Variants in SEMA3A observed in about 807,000 individuals in gnomAD.
SEMA3A encodes semaphorin 3A.
A neutral mutation model predicts 97.9 loss-of-function variants in SEMA3A; 29 were observed. The observed-to-expected ratio is 0.30, with a 90% CI of 0.22 to 0.40. The LOEUF (loss-of-function observed/expected upper bound fraction) is 0.40, where lower values mean the gene tolerates loss of function less well. SEMA3A is among the 10% of genes least tolerant of loss of function. The pLI is 1.00. For missense variants in SEMA3A, 763 were observed against 951.3 expected (o/e 0.80, Z 2.60); for synonymous variants, 321 against 323.7 (o/e 0.99, Z 0.09).
chr7:84,299,986 C>G (rs1330713691), intron 3 of SEMA3A, among the ~76,000 whole-genome samples: 3 of 133,000 alleles, frequency 2.3e-5, no homozygotes, highest in East Asian at 4.4e-4. Context: ...GAGCCGAGAT[C>G]ATGACATTGC....
intron 1 of SEMA3A, among the ~76,000 whole-genome samples, chr7:84,469,262 C>T (rs921129781): frequency 5.9e-5 from 9 of 152,158 alleles, no homozygotes; most frequent in Non-Finnish European, 1.2e-4. Flanking sequence ...CTATCCCATT[C>T]AACTGTAACC....
intron 3 of SEMA3A, among the ~76,000 whole-genome samples, chr7:84,262,355 C>T (rs1001699855): frequency 3.9e-5 from 6 of 152,254 alleles, no homozygotes; most frequent in Admixed American, 1.3e-4. Flanking sequence ...GCTGGGATTA[C>T]AGGTGCCTGC....
intron 4 of SEMA3A, among the ~76,000 whole-genome samples, chr7:84,069,885 T>A (rs972694760): frequency 6.6e-6 from 1 of 152,176 alleles, no homozygotes; most frequent in Admixed American, 6.6e-5. Context: ...GGTATTGAAT[T>A]ATCATGAACG....
rs1394117883 is a variant in SEMA3A, at chr7:84,477,072, AAAT to A, written c.-246+15385_-246+15387del. On this transcript the variant is annotated intron_variant, in intron 1 of 3. Transcript: ENST00000424555. Reference sequence around the variant, plus strand: ...ATGCCATGTGTTTGTTAAAAAAAAAAAATATATATATATATATATATTTTTCAA... The same window carrying A: ...ATGCCATGTGTTTGTTAAAAAAAAAAATATATATATATATATATTTTTCAA... 4.8e-3 allele frequency among the ~76,000 whole-genome samples: 609 copies of A among 127,110 alleles called. 7 individuals are homozygous for A. The highest frequency in any genetic ancestry group is 0.017 in the African/African-American group (561 of 33,484). The allele number at this position is 127,110 out of a possible 152,430, so 83.4% of individuals were successfully genotyped here.
intron 3 of SEMA3A, among the ~76,000 whole-genome samples, chr7:84,263,756 T>C (rs762749193): frequency 2.6e-5 from 4 of 152,216 alleles, no homozygotes; most frequent in Non-Finnish European, 4.4e-5. Flanking sequence ...ATCTGTTCTA[T>C]ATCGTTACAG....
intron 1 of SEMA3A, among the ~76,000 whole-genome samples, chr7:84,163,046 T>C (rs752854720): frequency 1.5e-3 from 232 of 152,166 alleles, no homozygotes; most frequent in Non-Finnish European, 1.5e-3. Context: ...GAAACTCAAA[T>C]TCTGGGTACT....
At chr7:84,372,934 ACTTGC>A (rs1340257506) in intron 1 of SEMA3A, among the ~76,000 whole-genome samples, 1 of 152,130 alleles carries the variant, frequency 6.6e-6, no homozygotes, top group East Asian at 1.9e-4. Flanking sequence ...TCATCATGAG[ACTTGC>A]TTTTGCAAAT....
At chr7:84,476,641 G>A (rs1476590501) in intron 1 of SEMA3A, among the ~76,000 whole-genome samples, 2 of 152,012 alleles carry the variant, frequency 1.3e-5, no homozygotes, top group Admixed American at 6.6e-5. Context: ...AGAAAAATAA[G>A]ATATTAAAAT....
intron 3 of SEMA3A, among the ~76,000 whole-genome samples, chr7:84,238,157 C>T (rs188750687): frequency 6.6e-6 from 1 of 152,168 alleles, no homozygotes; most frequent in East Asian, 1.9e-4. Context: ...ACCTCTGCCT[C>T]CCAGGTTCAA....
intron 3 of SEMA3A, among the ~76,000 whole-genome samples, chr7:84,225,710 T>C (rs1798975339): frequency 6.6e-6 from 1 of 152,022 alleles, no homozygotes; most frequent in Non-Finnish European, 1.5e-5. Context: ...ACAAAGACAC[T>C]CACACAGTAT....
intron 2 of SEMA3A, among the ~76,000 whole-genome samples, chr7:84,334,783 C>G (rs1368104804): frequency 2.0e-5 from 3 of 151,296 alleles, no homozygotes; most frequent in Non-Finnish European, 4.4e-5. Flanking sequence ...TTGTTTTCCT[C>G]TCACTCACAA....
intron 1 of SEMA3A, among the ~76,000 whole-genome samples, chr7:84,450,541 A>G (rs189658525): frequency 6.6e-6 from 1 of 152,336 alleles, no homozygotes; most frequent in African/African-American, 2.4e-5. Context: ...ACATGTAGAC[A>G]AGACTCCATC....
At chr7:84,482,024 T>G (rs574774751) in intron 1 of SEMA3A, among the ~76,000 whole-genome samples, 1 of 151,938 alleles carries the variant, frequency 6.6e-6, no homozygotes, top group East Asian at 1.9e-4. Flanking sequence ...AGTTTATTTT[T>G]AAAAGCTTGT....
chr7:84,013,148 A>G lies in SEMA3A; in HGVS notation c.810+1061T>C, dbSNP rs1267506778. Among the ~76,000 whole-genome samples the G allele has an allele frequency of 2.0e-5, 3 of 152,192 alleles. No individual in the cohort carries two copies. The East Asian group carries it at 5.8e-4, about 29-fold the overall frequency. On this transcript the variant is annotated intron_variant, in intron 7 of 16. Transcript: ENST00000265362. Reference sequence around the variant, plus strand: ...GATAGAATTCAATTTTAAGACAATCATTGAATGTGGGCTTATGATTTTCTT... The same window carrying G: ...GATAGAATTCAATTTTAAGACAATCGTTGAATGTGGGCTTATGATTTTCTT...
intron 2 of SEMA3A, among the ~76,000 whole-genome samples, chr7:84,369,244 T>C (rs1802920551): frequency 6.6e-6 from 1 of 151,040 alleles, no homozygotes; most frequent in African/African-American, 2.4e-5. Flanking sequence ...ATATCCTGTG[T>C]TCTGTATGGA....
intron 4 of SEMA3A, among the ~76,000 whole-genome samples, chr7:84,064,041 G>A (rs1353034960): frequency 1.3e-5 from 2 of 152,048 alleles, no homozygotes; most frequent in Non-Finnish European, 2.9e-5. Flanking sequence ...TACCCACAAA[G>A]GGAAGCCCAT....
chr7:84,054,333 G>A (rs372021585), intron 5 of SEMA3A, among the ~76,000 whole-genome samples: 441 of 152,044 alleles, frequency 2.9e-3, no homozygotes, highest in African/African-American at 7.9e-3. Context: ...CATTCTCCCC[G>A]TCACTTTCAG....
intron 3 of SEMA3A, among the ~76,000 whole-genome samples, chr7:84,240,973 T>C (rs1268105930): frequency 6.6e-6 from 1 of 152,234 alleles, no homozygotes; most frequent in Non-Finnish European, 1.5e-5. Flanking sequence ...CCATGGTGTA[T>C]GTGTGCCACA....
intron 5 of SEMA3A, among the ~76,000 whole-genome samples, chr7:84,050,983 T>C (rs1792606932): frequency 6.6e-6 from 1 of 151,878 alleles, no homozygotes; most frequent in Non-Finnish European, 1.5e-5. Context: ...TCCCCATTGC[T>C]TGTTTTTCTC....
Sources: gnomAD v4.1 joint callset for allele counts (sites outside exome capture counted in the v4.1 genomes callset) on GRCh38, gnomAD v4.1.1 for gene constraint, MANE v1.5 for transcripts, NCBI Gene and HGNC (gene_info 2026-07-23, HGNC 2026-07-21) for gene names.